Variants in CLEC16A observed in about 807,000 individuals in gnomAD.
CLEC16A encodes protein CLEC16A.
A neutral mutation model predicts 109.5 loss-of-function variants in CLEC16A; 51 were observed. The observed-to-expected ratio is 0.47, with a 90% CI of 0.37 to 0.59. CLEC16A has a LOEUF of 0.59. Ranked by LOEUF, CLEC16A falls within the 20% of genes least tolerant of loss-of-function variation. The pLI is 0.00. For missense variants in CLEC16A, 1,339 were observed against 1,394.0 expected (o/e 0.96, Z 0.63); for synonymous variants, 673 against 564.2 (o/e 1.19, Z -2.73).
chr16:11,057,359 C>T (rs1472468357), intron 18 of CLEC16A, among the ~76,000 whole-genome samples: 1 of 152,258 alleles, frequency 6.6e-6, no homozygotes, highest in African/African-American at 2.4e-5. Context: ...CAGCACATCA[C>T]CGGTGCCATC....
intron 22 of CLEC16A, among the ~76,000 whole-genome samples, chr16:11,155,808 C>A (rs1052968983): frequency 6.6e-6 from 1 of 152,194 alleles, no homozygotes; most frequent in African/African-American, 2.4e-5. Context: ...AAGTCGGAGT[C>A]CTGGCGAACA....
intron 13 of CLEC16A, among the ~76,000 whole-genome samples, chr16:11,038,398 G>C (rs1311235321): frequency 6.6e-6 from 1 of 152,164 alleles, no homozygotes; most frequent in African/African-American, 2.4e-5. Context: ...TCCAAGCTTG[G>C]ATCAAGCAAA....
intron 12 of CLEC16A, among the ~76,000 whole-genome samples, chr16:11,021,129 C>T (rs1007724459): frequency 6.6e-6 from 1 of 152,228 alleles, no homozygotes; most frequent in Non-Finnish European, 1.5e-5. Context: ...GAAATACACA[C>T]GGCCCCCCAT....
chr16:11,172,423 C>A (rs1216583011), intron 23 of CLEC16A, among the ~76,000 whole-genome samples: 2 of 152,234 alleles, frequency 1.3e-5, no homozygotes, highest in South Asian at 2.1e-4. Context: ...AGCCCACTCA[C>A]ACCTCTGAGC....
At position 11,028,758 on chromosome 16, in the gene CLEC16A, T is replaced by A. The variant is rs180934575; in HGVS notation, c.1537+3837T>A. On this transcript the variant is annotated intron_variant, in intron 13 of 23. Coordinates refer to ENST00000409790, the MANE Select transcript of CLEC16A (RefSeq NM_015226.3). ...GTACAGTTTCATTATCAGAAAAATATCCCTCAGGCTATTCCCTTTCCAGTC... is the reference window on the plus strand; with the variant it reads ...GTACAGTTTCATTATCAGAAAAATAACCCTCAGGCTATTCCCTTTCCAGTC... Among the ~76,000 whole-genome samples the A allele has an allele frequency of 3.4e-3, 524 of 152,334 alleles. 5 individuals carry two copies. The highest frequency in any genetic ancestry group is 0.034 in the South Asian group (164 of 4,826).
intron 18 of CLEC16A, among the ~76,000 whole-genome samples, chr16:11,055,914 C>G (rs1280041785): frequency 1.3e-5 from 2 of 152,070 alleles, no homozygotes; most frequent in Non-Finnish European, 2.9e-5. Context: ...AAAACCACAT[C>G]ACTTATTCTT....
intron 22 of CLEC16A, among the ~76,000 whole-genome samples, chr16:11,135,447 C>T (rs1350010859): frequency 6.6e-6 from 1 of 152,232 alleles, no homozygotes; most frequent in Non-Finnish European, 1.5e-5. Context: ...AGCCCTCTCT[C>T]GCTAAATATG....
intron 19 of CLEC16A, among the ~76,000 whole-genome samples, chr16:11,084,064 A>G (rs1009582581): frequency 9.2e-5 from 14 of 152,042 alleles, no homozygotes; most frequent in Admixed American, 2.0e-4. Flanking sequence ...CCCTCTCTCC[A>G]GCCCCGCGGC....
chr16:11,140,895 C>T (rs753183670), intron 22 of CLEC16A, among the ~76,000 whole-genome samples: 2 of 152,248 alleles, frequency 1.3e-5, no homozygotes, highest in Non-Finnish European at 2.9e-5. Flanking sequence ...TCCTGAGCCT[C>T]TGTGTCCCCT....
At chr16:11,046,224 A>G (rs2047627358) in intron 16 of CLEC16A, among the ~76,000 whole-genome samples, 1 of 152,168 alleles carries the variant, frequency 6.6e-6, no homozygotes, top group Non-Finnish European at 1.5e-5. Flanking sequence ...GTTATTCTTT[A>G]TTATTAACAA....
intron 10 of CLEC16A, among the ~76,000 whole-genome samples, chr16:10,984,835 A>T (rs2043530519): frequency 1.3e-5 from 2 of 152,222 alleles, no homozygotes; most frequent in Non-Finnish European, 2.9e-5. Flanking sequence ...GGTCTCGGGC[A>T]GGTTGTTTCA....
chr16:11,028,742 C>G (rs537053988), intron 13 of CLEC16A, among the ~76,000 whole-genome samples: 1 of 152,274 alleles, frequency 6.6e-6, no homozygotes, highest in Non-Finnish European at 1.5e-5. Flanking sequence ...AGTACAGTTT[C>G]ATTATCAGAA....
chr16:11,150,833 C>G (rs1169493070), intron 22 of CLEC16A, among the ~76,000 whole-genome samples: 1 of 152,122 alleles, frequency 6.6e-6, no homozygotes, highest in African/African-American at 2.4e-5. Context: ...GTCCAGGCCT[C>G]CCTCCTTGGC....
At chr16:11,173,408 C>T (rs1328288997) in intron 23 of CLEC16A, among the ~76,000 whole-genome samples, 1 of 152,092 alleles carries the variant, frequency 6.6e-6, no homozygotes, top group East Asian at 1.9e-4. Context: ...GTGAGATGCT[C>T]CCGACGTTTT....
At chr16:11,135,154 G>A (rs2053482789) in intron 22 of CLEC16A, among the ~76,000 whole-genome samples, 1 of 152,210 alleles carries the variant, frequency 6.6e-6, no homozygotes, top group South Asian at 2.1e-4. Flanking sequence ...TCTGGCAATT[G>A]CCTCTAAGAG....
At chr16:11,043,680 C>T (rs1415243620) in intron 15 of CLEC16A, among the ~76,000 whole-genome samples, 1 of 151,976 alleles carries the variant, frequency 6.6e-6, no homozygotes, top group East Asian at 1.9e-4. Flanking sequence ...GCCTGGCCAA[C>T]ATGGTGAAGC....
chr16:11,034,773 G>A (rs997109952), intron 13 of CLEC16A, among the ~76,000 whole-genome samples: 1 of 152,174 alleles, frequency 6.6e-6, no homozygotes, highest in Admixed American at 6.5e-5. Flanking sequence ...AAGAGTTGAA[G>A]CAAATAGGAT....
intron 19 of CLEC16A, among the ~76,000 whole-genome samples, chr16:11,118,563 C>G (rs2052173747): frequency 6.6e-6 from 1 of 152,160 alleles, no homozygotes; most frequent in Non-Finnish European, 1.5e-5. Context: ...ATTAGGTGAA[C>G]TCAGTTTAAC....
intron 22 of CLEC16A, among the ~76,000 whole-genome samples, chr16:11,135,389 C>G (rs754527721): frequency 6.6e-6 from 1 of 152,158 alleles, no homozygotes; most frequent in East Asian, 1.9e-4. Flanking sequence ...TCACAACATG[C>G]CCCCCAAAGA....
Sources: gnomAD v4.1 joint callset for allele counts (sites outside exome capture counted in the v4.1 genomes callset) on GRCh38, gnomAD v4.1.1 for gene constraint, MANE v1.5 for transcripts, NCBI Gene and HGNC (gene_info 2026-07-23, HGNC 2026-07-21) for gene names.